NISCH: variants seen among roughly 807,000 people sequenced by gnomAD.
NISCH encodes the protein nischarin.
NISCH carries 55 observed loss-of-function variants against 138.4 expected under a neutral mutation model. That is an observed-to-expected ratio of 0.40 (90% confidence interval 0.32 to 0.50). The LOEUF (loss-of-function observed/expected upper bound fraction) is 0.50. Among genes scored for constraint, NISCH ranks in the 20% least tolerant of loss-of-function variants. The pLI, the probability that NISCH is intolerant of heterozygous loss-of-function variation, is 0.71. For synonymous variants in NISCH, 860 were observed against 861.5 expected (o/e 1.00, Z 0.03); for missense variants, 1,643 against 2,005.5 (o/e 0.82, Z 3.45).
intron 4 of NISCH, 111 bp downstream of exon 4, chr3:52,471,018 G>A (rs779932896): frequency 6.1e-5 from 66 of 1,076,760 alleles, no homozygotes; most frequent in Non-Finnish European, 8.9e-5. Flanking sequence ...TACCTCCCCT[G>A]TAGGTGGCCA....
chr3:52,459,259 A>T (rs9855470), intron 3 of NISCH, among the ~76,000 whole-genome samples: 1 of 152,174 alleles, frequency 6.6e-6, no homozygotes, highest in African/African-American at 2.4e-5. Flanking sequence ...GGGGCGTGTC[A>T]TCAGGGTCCG....
chr3:52,485,222 C>T (rs758708418), intron 14 of NISCH, among the ~76,000 whole-genome samples: 15 of 152,300 alleles, frequency 9.8e-5, no homozygotes, highest in Non-Finnish European at 1.6e-4. Context: ...GCCTGGGCCT[C>T]CCTCCAGCCC....
At chr3:52,479,304 C>T (rs561453080) in intron 11 of NISCH, among the ~76,000 whole-genome samples, 3 of 152,268 alleles carry the variant, frequency 2.0e-5, no homozygotes, top group Admixed American at 1.3e-4. Context: ...CATTTGCAGG[C>T]GGGGGCCCTG....
rs200823004 is a variant in NISCH at position 52,491,338 on chromosome 3, C to T, written c.3743-14C>T. The T allele has an allele frequency of 1.2e-6, 2 of 1,606,506 alleles. No individual in the cohort carries two copies. Among genetic ancestry groups the T allele is most frequent in the East Asian group, 2.2e-5 (1 of 44,774 alleles). ...GCGCCGGCCTGTGGCCCTGACCAGC[C>T]CCTTCTCGTGCAGGTTCCACCCCGA... On this transcript the variant is annotated splice_polypyrimidine_tract_variant and intron_variant, in intron 19 of 20. Transcript: ENST00000345716.
At chr3:52,456,498 C>CAGCG (rs914968628) in intron 1 of NISCH, among the ~76,000 whole-genome samples, 1 of 152,148 alleles carries the variant, frequency 6.6e-6, no homozygotes, top group Non-Finnish European at 1.5e-5. Context: ...GGTTGGATGC[C>CAGCG]AGGCCTGTGA....
intron 3 of NISCH, among the ~76,000 whole-genome samples, chr3:52,465,654 G>T (rs1706760980): frequency 1.3e-5 from 2 of 152,198 alleles, no homozygotes; most frequent in African/African-American, 4.8e-5. Flanking sequence ...CAGTGAAATG[G>T]AATCCCATCC....
intron 3 of NISCH, among the ~76,000 whole-genome samples, chr3:52,460,400 ATTTT>A (rs60949920): frequency 1.8e-4 from 21 of 114,418 alleles, no homozygotes; most frequent in Admixed American, 4.5e-4. Context: ...TGGCTGTACT[ATTTT>A]TTTTTTTTTT....
At chr3:52,471,510 C>T (rs1026105693) in intron 4 of NISCH, 7 of 501,386 alleles carry the variant, frequency 1.4e-5, no homozygotes, top group Admixed American at 3.7e-5. Flanking sequence ...AGAATGCTGT[C>T]CCTCTCCGCA....
rs1382190778 is a variant in NISCH, at chr3:52,492,209, G to C, written c.4242G>C (p.Arg1414=). 1.2e-6 allele frequency: 2 copies of C among 1,613,010 alleles called. No individual in the cohort carries two copies. Among genetic ancestry groups the C allele is most frequent in the African/African-American group, 1.3e-5 (1 of 74,952 alleles). Reference sequence around the variant, plus strand: ...GGCTGGACGATGGCCGCCGCGTCCGGGACCTGGACCGAGTGCTCATGGGCT... The same window carrying C: ...GGCTGGACGATGGCCGCCGCGTCCGCGACCTGGACCGAGTGCTCATGGGCT... ...RYRLDDGRRV[R]DLDRVLMGYQ... Residue 1414 remains arginine, a synonymous_variant, in exon 21 of 21, where the codon CGG becomes CGC. Coordinates refer to ENST00000345716, the MANE Select transcript of NISCH (RefSeq NM_007184.4).
intron 16 of NISCH, among the ~76,000 whole-genome samples, chr3:52,489,042 C>T (rs1307137473): frequency 6.6e-6 from 1 of 152,210 alleles, no homozygotes; most frequent in Non-Finnish European, 1.5e-5. Context: ...CTCTGTGGGC[C>T]AGGATCTGCC....
At position 52,492,333 on chromosome 3, in the gene NISCH, G is replaced by C; in HGVS notation, c.4366G>C (p.Gly1456Arg). 1 of 1,613,466 alleles carries C rather than the reference G, an allele frequency of 6.2e-7. No homozygotes were observed. Among genetic ancestry groups the C allele is most frequent in the Non-Finnish European group, 8.5e-7 (1 of 1,180,052 alleles). The change falls in exon 21 of 21, where the codon GGT (glycine) becomes CGT (arginine). Residue 1456 changes from glycine to arginine, a missense_variant. By Grantham distance (125) the Gly-to-Arg change is moderately radical. Transcript: ENST00000345716. ...VTLDHFGEVP[G>R]GPARASQGRE... Reference sequence around the variant, plus strand: ...CCTGGACCACTTTGGGGAGGTGCCAGGTGGCCCGGCTAGAGCCAGCCAGGG... The same window carrying C: ...CCTGGACCACTTTGGGGAGGTGCCACGTGGCCCGGCTAGAGCCAGCCAGGG...
chr3:52,466,833 C>A (rs1274726114), intron 3 of NISCH, among the ~76,000 whole-genome samples: 1 of 152,060 alleles, frequency 6.6e-6, no homozygotes, highest in Admixed American at 6.6e-5. Context: ...AGGACCACAG[C>A]CCAGCTAGTG....
At position 52,479,787 on chromosome 3, in the gene NISCH, G is replaced by A. The variant is rs1207410308; in HGVS notation, c.1341G>A (p.Leu447=). ...ACACAGTGACCACAGAGAAGGAGCT[G>A]GACACTGTGGAAGTGCTGAAAGCAA... The part of the protein sequence containing the change: ...LDDTVTTEKE[L]DTVEVLKAIQ... Residue 447 remains leucine, a synonymous_variant, in exon 12 of 21, where the codon CTG becomes CTA. Coordinates refer to ENST00000345716, the MANE Select transcript of NISCH (RefSeq NM_007184.4). The A allele has an allele frequency of 1.9e-6, 3 of 1,613,778 alleles. No homozygotes were observed. Among genetic ancestry groups the A allele is most frequent in the East Asian group, 2.2e-5 (1 of 44,882 alleles).
chr3:52,460,434 C>A (rs1037331971), intron 3 of NISCH, among the ~76,000 whole-genome samples: 5 of 146,072 alleles, frequency 3.4e-5, no homozygotes, highest in Non-Finnish European at 7.4e-5. Flanking sequence ...CAGGGTCTCA[C>A]TCCATTGCTC....
chr3:52,472,232 G>T, intron 5 of NISCH, 71 bp from the exon 6 acceptor site: 1 of 1,412,732 alleles, frequency 7.1e-7, no homozygotes, highest in Admixed American at 1.7e-5. Context: ...TCTTCAACTT[G>T]TCAGCTGCTG....
Position 52,489,434 on chromosome 3 carries a change from C to T in NISCH, c.3212C>T (p.Pro1071Leu), listed in dbSNP as rs1320347891. ...CCTGCAGCAGCCTCAGCCTCAGGCC[C>T]AGCGAAGACTCCGGCCCCAGCAGAG... ...PAPAAASASG[P>L]AKTPAPAEAS... The change falls in exon 17 of 21, where the codon CCA (proline) becomes CTA (leucine). Residue 1071 changes from proline (P) to leucine (L), a missense_variant. Pro to Leu is a moderately conservative substitution (Grantham distance 98). Coordinates refer to ENST00000345716, the MANE Select transcript of NISCH (RefSeq NM_007184.4). The T allele has an allele frequency of 6.2e-7, 1 of 1,601,930 alleles. No homozygotes were observed. Among genetic ancestry groups the T allele is most frequent in the Non-Finnish European group, 8.5e-7 (1 of 1,170,072 alleles).
At chr3:52,491,829 G>C (rs772858891) in intron 20 of NISCH, 43 bp from the exon 21 acceptor site, 1 of 1,529,920 alleles carries the variant, frequency 6.5e-7, no homozygotes, top group East Asian at 2.3e-5. Context: ...AGCCCCACCA[G>C]GGGCCGGTTC....
intron 13 of NISCH, chr3:52,481,201 C>G: frequency 8.5e-7 from 1 of 1,169,976 alleles, no homozygotes; most frequent in African/African-American, 1.6e-5. Flanking sequence ...CGGGCTGCAA[C>G]TGCAACATCG....
At chr3:52,472,098 G>T (rs564438484) in intron 5 of NISCH, 121 bp downstream of exon 5, 1 of 1,152,134 alleles carries the variant, frequency 8.7e-7, no homozygotes, top group Non-Finnish European at 1.2e-6. Context: ...AAGGAAGGCC[G>T]CCCGGTTATT....
Sources: gnomAD v4.1 joint callset for allele counts (sites outside exome capture counted in the v4.1 genomes callset) on GRCh38, gnomAD v4.1.1 for gene constraint, MANE v1.5 for transcripts, NCBI Gene and HGNC (gene_info 2026-07-23, HGNC 2026-07-21) for gene names.